Variants in STK3 observed in about 807,000 individuals in gnomAD.
STK3 encodes serine/threonine kinase 3, also known as serine/threonine-protein kinase 3.
STK3 carries 41 observed loss-of-function variants against 58.0 expected under a neutral mutation model. The observed-to-expected ratio is 0.71, with a 90% confidence interval of 0.55 to 0.92. The LOEUF is 0.92. STK3 is among the 40% of genes least tolerant of loss of function. The pLI, the probability that STK3 is intolerant of heterozygous loss-of-function variation, is 0.00. For missense variants in STK3, 479 were observed against 602.7 expected, an observed-to-expected ratio of 0.79 and a Z score of 2.15; for synonymous variants, 170 against 191.0, an observed-to-expected ratio of 0.89 and a Z score of 0.91.
chr8:98,401,101 A>C (rs1817939222), downstream of STK3, among the ~76,000 whole-genome samples: 1 of 152,092 alleles, frequency 6.6e-6, no homozygotes, highest in Admixed American at 6.5e-5. Context: ...CTCGGGACAC[A>C]TGCCTTAGGA....
chr8:98,835,388 T>G (rs952948962), intron 3 of STK3, among the ~76,000 whole-genome samples: 4 of 152,248 alleles, frequency 2.6e-5, no homozygotes, highest in Non-Finnish European at 5.9e-5. Context: ...GAAAAAGGTT[T>G]CCTTCCTGGT....
downstream of STK3, among the ~76,000 whole-genome samples, chr8:98,452,454 T>C (rs1280004579): frequency 1.3e-5 from 2 of 152,236 alleles, no homozygotes; most frequent in African/African-American, 4.8e-5. Flanking sequence ...TAAGTGTATT[T>C]TAAGTCTGTA....
At chr8:98,903,339 T>C (rs375526622) in intron 1 of STK3, among the ~76,000 whole-genome samples, 16 of 152,290 alleles carry the variant, frequency 1.1e-4, no homozygotes, top group African/African-American at 3.6e-4. Flanking sequence ...GATAGAAAAC[T>C]TGAATAAACT....
intron 6 of STK3, among the ~76,000 whole-genome samples, chr8:98,627,908 A>T (rs1818858792): frequency 6.6e-6 from 1 of 152,206 alleles, no homozygotes; most frequent in African/African-American, 2.4e-5. Flanking sequence ...ACATGTGGGT[A>T]TCTAATTGTG....
At chr8:98,510,857 A>G (rs546696458) in intron 10 of STK3, among the ~76,000 whole-genome samples, 14 of 152,212 alleles carry the variant, frequency 9.2e-5, no homozygotes, top group African/African-American at 3.4e-4. Context: ...AGGTGGGTGA[A>G]GTAATTGATA....
chr8:98,756,380 G>A (rs1260848557), intron 3 of STK3, among the ~76,000 whole-genome samples: 1 of 152,130 alleles, frequency 6.6e-6, no homozygotes, highest in African/African-American at 2.4e-5. Context: ...AAGATTAGCG[G>A]GCCCAGGATA....
intron 8 of STK3, among the ~76,000 whole-genome samples, chr8:98,571,159 G>A (rs1172208292): frequency 1.3e-5 from 2 of 152,036 alleles, no homozygotes; most frequent in African/African-American, 2.4e-5. Context: ...GCTAAACCTT[G>A]TCTCTACTAA....
intron 10 of STK3, among the ~76,000 whole-genome samples, chr8:98,489,227 TA>T (rs1027990571): frequency 5.2e-4 from 77 of 147,076 alleles, no homozygotes; most frequent in South Asian, 4.3e-4. Context: ...GAACTAGAGT[TA>T]AAAAAAAAAA....
intron 7 of STK3, among the ~76,000 whole-genome samples, chr8:98,586,369 C>G (rs1272284776): frequency 2.6e-5 from 4 of 151,820 alleles, no homozygotes; most frequent in African/African-American, 9.7e-5. Flanking sequence ...TGGTTTTTGT[C>G]TTTGGCTCTG....
chr8:98,501,490 C>T (rs753811108), intron 10 of STK3, among the ~76,000 whole-genome samples: 1 of 152,108 alleles, frequency 6.6e-6, no homozygotes, highest in African/African-American at 2.4e-5. Flanking sequence ...ATGCCTATGT[C>T]CTGAATGGTA....
downstream of STK3, chr8:98,879,533 T>G (rs1837716578): frequency 1.3e-5 from 2 of 152,212 alleles, no homozygotes; most frequent in African/African-American, 4.8e-5. Flanking sequence ...ACATATACTT[T>G]TATCAAAACT....
At chr8:98,694,964 T>C (rs199589935) in intron 6 of STK3, among the ~76,000 whole-genome samples, 1 of 152,136 alleles carries the variant, frequency 6.6e-6, no homozygotes, top group East Asian at 1.9e-4. Flanking sequence ...TACAGTCCCA[T>C]CAACAGTGCA....
At chr8:98,703,113 T>G (rs1233177770) in intron 6 of STK3, among the ~76,000 whole-genome samples, 1 of 152,170 alleles carries the variant, frequency 6.6e-6, no homozygotes, top group Non-Finnish European at 1.5e-5. Context: ...CCTGCTACTC[T>G]GGAAAACTTA....
At chr8:98,573,724 C>A (rs1415659974) in intron 8 of STK3, among the ~76,000 whole-genome samples, 1 of 152,164 alleles carries the variant, frequency 6.6e-6, no homozygotes, top group African/African-American at 2.4e-5. Flanking sequence ...AAGGCAAGTC[C>A]TTTACAGCAG....
intron 4 of STK3, among the ~76,000 whole-genome samples, chr8:98,747,731 C>T (rs1017437612): frequency 7.2e-5 from 11 of 152,142 alleles, no homozygotes; most frequent in African/African-American, 2.7e-4. Flanking sequence ...AAACAATATA[C>T]CTACAGCTCC....
chr8:98,738,981 A>C (rs1563947495), intron 4 of STK3, among the ~76,000 whole-genome samples: 2 of 152,212 alleles, frequency 1.3e-5, no homozygotes. Flanking sequence ...AAGGAGTCTC[A>C]CTGATTGCTA....
chr8:98,926,986 C>G (rs1426590423), intron 1 of STK3, among the ~76,000 whole-genome samples: 1 of 152,182 alleles, frequency 6.6e-6, no homozygotes. Context: ...GTGTAAGGGC[C>G]ACAGCCAGGC....
intron 8 of STK3, among the ~76,000 whole-genome samples, chr8:98,573,853 C>A (rs1361344299): frequency 6.6e-6 from 1 of 151,878 alleles, no homozygotes; most frequent in Non-Finnish European, 1.5e-5. Flanking sequence ...TCACATGAAG[C>A]CTGAGGAGGC....
At position 98,598,797 on chromosome 8, in the gene STK3, T is replaced by C. The variant is rs948967363; in HGVS notation, c.685-2628A>G. The C allele has an allele frequency of 6.1e-6, 6 of 985,306 alleles. No individual in the cohort carries two copies. In the African/African-American group the frequency reaches 1.0e-4, roughly 17 times the overall value. 61.0% of individuals were successfully genotyped at this position (985,306 alleles called of 1,614,324 possible). On this transcript the variant is annotated intron_variant, in intron 6 of 10. Transcript: ENST00000419617. ...GTAAAATAAATGACATGATTATCCT[T>C]GTGTTTGTTTCTACACAATGTGTTG... is the stretch of plus-strand genomic sequence containing the variant.
Sources: allele counts gnomAD v4.1 joint callset (sites outside exome capture counted in the v4.1 genomes callset), GRCh38; gene constraint gnomAD v4.1.1; transcripts MANE v1.5; gene names NCBI Gene and HGNC (gene_info 2026-07-23, HGNC 2026-07-21).